UGT1A5: variants seen among roughly 807,000 people sequenced by gnomAD.
The protein encoded by UGT1A5 is UDP glucuronosyltransferase family 1 member A5.
UGT1A5 carries 29 observed loss-of-function variants against 40.3 expected under a neutral mutation model. The observed-to-expected ratio is 0.72, with a 90% CI of 0.54 to 0.98. The LOEUF (loss-of-function observed/expected upper bound fraction) is 0.98, where lower values mean the gene tolerates loss of function less well. Among genes scored for constraint, UGT1A5 ranks in the 50% least tolerant of loss-of-function variants. The probability of loss-of-function intolerance (pLI) is 0.00; values close to 1 mark genes in which losing one functional copy is unlikely to be tolerated. For synonymous variants in UGT1A5, 257 were observed against 262.5 expected, an observed-to-expected ratio of 0.98 and a Z score of 0.20; for missense variants, 678 against 677.9, an observed-to-expected ratio of 1.00 and a Z score of 0.00.
intron 1 of UGT1A5, among the ~76,000 whole-genome samples, chr2:233,759,538 A>C (rs1009544779): frequency 1.3e-5 from 2 of 152,036 alleles, no homozygotes; most frequent in Non-Finnish European, 2.9e-5. Context: ...TTCTGTTCAC[A>C]TGCGCTCCAG....
chr2:233,760,837 A>T (rs1440575421), intron 1 of UGT1A5: 4 of 1,613,664 alleles, frequency 2.5e-6, no homozygotes, highest in Non-Finnish European at 3.4e-6. Flanking sequence ...ATTTGAGGCT[A>T]CCCAGTGCCC....
chr2:233,730,639 T>C (rs1444875009), intron 1 of UGT1A5, among the ~76,000 whole-genome samples: 1 of 152,130 alleles, frequency 6.6e-6, no homozygotes, highest in African/African-American at 2.4e-5. Context: ...TGGTGCATGA[T>C]GTGGGGACAT....
At chr2:233,724,171 C>T (rs1472955249) in intron 1 of UGT1A5, among the ~76,000 whole-genome samples, 39 of 91,410 alleles carry the variant, frequency 4.3e-4, no homozygotes, top group South Asian at 7.8e-4. Context: ...CTGACCCCCC[C>T]ATCTCCCTCC....
At chr2:233,729,624 G>A (rs563451648) in intron 1 of UGT1A5, 25 of 1,613,906 alleles carry the variant, frequency 1.5e-5, no homozygotes, top group African/African-American at 6.7e-5. Context: ...AGTACCTGTC[G>A]ATTCCTACTG....
At chr2:233,714,579 T>G (rs2125639821) in intron 1 of UGT1A5, among the ~76,000 whole-genome samples, 1 of 152,344 alleles carries the variant, frequency 6.6e-6, no homozygotes, top group Middle Eastern at 3.4e-3. Flanking sequence ...ACATACATAA[T>G]TTAAACTTTT....
chr2:233,717,899 T>A (rs1410240697), intron 1 of UGT1A5: 2 of 454,694 alleles, frequency 4.4e-6, no homozygotes, highest in Non-Finnish European at 8.8e-6. Flanking sequence ...ATCTTCAGGA[T>A]GAAATAAAGG....
chr2:233,719,325 G>C (rs771082212), intron 1 of UGT1A5: 3 of 1,613,936 alleles, frequency 1.9e-6, no homozygotes, highest in South Asian at 1.1e-5. Context: ...GTCGATTCCT[G>C]CTGTGTTTTT....
rs770433443 is a variant in UGT1A5 at position 233,767,890 on chromosome 2, G to T, written c.1041G>T (p.Ala347=). The T allele has an allele frequency of 4.3e-6, 7 of 1,614,094 alleles. No individual in the cohort carries two copies. Among genetic ancestry groups the T allele is most frequent in the Non-Finnish European group, 1.7e-6 (2 of 1,180,038 alleles). The change falls in exon 3 of 5, where the codon GCG becomes GCT. Residue 347 remains alanine, a synonymous_variant. Transcript: ENST00000373414. ...RYTGTRPSNL[A]NNTILVKWLP... is the part of the protein sequence containing the mutation. ...CTGGAACCCGACCATCGAATCTTGC[G>T]AACAACACGATACTTGTTAAGTGGC...
rs201093245 is a variant in UGT1A5, at chr2:233,760,862, A to G, written c.868-6172A>G. ...ACCCAGTGCCCCAACCCATTCTCCT[A>G]CGTGCCCAGGCCTCTCTCCTCTCAT... is the stretch of plus-strand genomic sequence containing the variant. On this transcript the variant is annotated intron_variant, in intron 1 of 4. Transcript: ENST00000373414. 6.2e-7 allele frequency: 1 copy of G among 1,614,000 alleles called. No homozygotes were observed. The highest frequency in any genetic ancestry group is 1.7e-5 in the Admixed American group (1 of 60,012).
intron 2 of UGT1A5, 50 bp from the exon 3 acceptor site, chr2:233,767,799 T>A (rs1699488429): frequency 6.2e-7 from 1 of 1,614,032 alleles, no homozygotes. Context: ...ATTTGTTTTC[T>A]AATCATATTA....
chr2:233,767,698 C>T (rs1699451194), intron 2 of UGT1A5, 151 bp from the exon 3 acceptor site: 8 of 1,500,274 alleles, frequency 5.3e-6, no homozygotes, highest in Non-Finnish European at 6.2e-6. Flanking sequence ...CGGAAGTTGC[C>T]AGTCCTCAGA....
intron 1 of UGT1A5, chr2:233,729,033 A>G: frequency 1.9e-6 from 3 of 1,602,256 alleles, no homozygotes; most frequent in Admixed American, 3.4e-5. Context: ...TTGATTTGCT[A>G]AGTGGCTCAG....
In UGT1A5 at chr2:233,769,631, G is replaced by A. The variant is rs1359038576; in HGVS notation, c.1307+1192G>A. 4 of 1,611,522 alleles carry A rather than the reference G, an allele frequency of 2.5e-6. No individual in the cohort carries two copies. Among genetic ancestry groups the A allele is most frequent in the African/African-American group, 1.3e-5 (1 of 74,932 alleles). ...ACACCAGCTTGAGCAAGGGACAACA[G>A]GGGAGGACTGATGACTGACTTCCCA... is the stretch of plus-strand genomic sequence containing the variant. On this transcript the variant is annotated intron_variant, in intron 4 of 4. Transcript: ENST00000373414. The surrounding 1 kb of genome is among the most constrained non-coding windows in gnomAD (Gnocchi z 4.4).
At chr2:233,761,014 A>G (rs756396505) in intron 1 of UGT1A5, 2 of 1,614,180 alleles carry the variant, frequency 1.2e-6, no homozygotes, top group South Asian at 1.1e-5. Flanking sequence ...GAGAGAGGTG[A>G]CTGTCCAGGA....
intron 1 of UGT1A5, among the ~76,000 whole-genome samples, chr2:233,714,483 T>C (rs2076389981): frequency 6.6e-6 from 1 of 152,204 alleles, no homozygotes; most frequent in Admixed American, 6.5e-5. Context: ...GAATGTTTCT[T>C]GTGAAGACAC....
intron 1 of UGT1A5, among the ~76,000 whole-genome samples, chr2:233,739,652 T>C: frequency 6.6e-6 from 1 of 152,236 alleles, no homozygotes; most frequent in African/African-American, 2.4e-5. Context: ...CCAATTTCTG[T>C]ACCCCCATTG....
intron 1 of UGT1A5, among the ~76,000 whole-genome samples, chr2:233,751,389 A>G (rs557117107): frequency 6.6e-6 from 1 of 152,256 alleles, no homozygotes; most frequent in Admixed American, 6.5e-5. Context: ...CTTGTCTCAG[A>G]TAAGACTTTG....
At position 233,713,263 on chromosome 2, in the gene UGT1A5, G is replaced by A. The variant is rs146477190; in HGVS notation, c.272G>A (p.Arg91His). Residue 91 changes from arginine (R) to histidine (H), a missense_variant, in exon 1 of 5, where the codon CGC becomes CAC. Arg to His is a conservative substitution (Grantham distance 29, BLOSUM62 0). Transcript: ENST00000373414. ...AISWTQDEFD[R>H]LLLGHTQSFF... ...TCATGGACCCAGGACGAATTTGATC[G>A]CCTTTTGCTGGGTCACACTCAATCG... 2.3e-4 allele frequency: 375 copies of A among 1,614,196 alleles called. 3 individuals are homozygous for A. The highest frequency in any genetic ancestry group is 2.3e-3 in the Middle Eastern group (14 of 6,062).
intron 1 of UGT1A5, among the ~76,000 whole-genome samples, chr2:233,757,936 C>A (rs1430982400): frequency 6.6e-6 from 1 of 152,072 alleles, no homozygotes; most frequent in African/African-American, 2.4e-5. Context: ...AAAGCAAGAC[C>A]ATCATATTGC....
Sources: gnomAD v4.1 joint callset for allele counts (sites outside exome capture counted in the v4.1 genomes callset) on GRCh38, gnomAD v4.1.1 for gene constraint, Gnocchi (gnomAD v3.1) non-coding constraint, MANE v1.5 for transcripts, NCBI Gene and HGNC (gene_info 2026-07-23, HGNC 2026-07-21) for gene names.